TNN: variants seen among roughly 807,000 people sequenced by gnomAD.
TNN encodes the protein tenascin N, also known as tenascin-N.
Under a neutral mutation model 134.4 loss-of-function variants are expected in TNN, and 122 were observed. The observed-to-expected ratio is 0.91, with a 90% CI of 0.78 to 1.06. The LOEUF (loss-of-function observed/expected upper bound fraction) is 1.06. TNN is among the 50% of genes least tolerant of loss of function. The pLI is 0.00. For missense variants in TNN, 1,739 were observed against 1,699.4 expected (o/e 1.02, Z -0.41); for synonymous variants, 710 against 670.3 (o/e 1.06, Z -0.91).
At chr1:175,077,155 A>G (rs1268076400) in intron 1 of TNN, among the ~76,000 whole-genome samples, 1 of 152,170 alleles carries the variant, frequency 6.6e-6, no homozygotes, top group African/African-American at 2.4e-5. Context: ...TGAGAGGTGA[A>G]GAGAAGGGCA....
chr1:175,108,538 A>G (rs12407173), intron 9 of TNN, among the ~76,000 whole-genome samples: 35,282 of 152,186 alleles, frequency 0.23, 4,411 homozygotes, highest in African/African-American at 0.31. Context: ...CTCGGGCTGC[A>G]CAGGAACCCA....
In TNN at chr1:175,097,495, C is replaced by T; in HGVS notation, c.1667C>T (p.Ala556Val). The stretch of plus-strand genomic sequence containing the variant: ...ACCATCTCCTGGGACCCGGTACAGG[C>T]CACCATTGACAAGTACGTGGTGCGC... ...TATISWDPVQ[A>V]TIDKYVVRYT... The change falls in exon 8 of 19, where the codon GCC (alanine) becomes GTC (valine). Residue 556 changes from alanine to valine, a missense_variant. Transcript: ENST00000239462. 1 of 1,614,170 alleles carries T rather than the reference C, an allele frequency of 6.2e-7. No individual in the cohort carries two copies. The highest frequency in any genetic ancestry group is 1.1e-5 in the South Asian group (1 of 91,070).
chr1:175,074,729 C>T lies in TNN; in HGVS notation c.-35-2655C>T, dbSNP rs1423672475. ...GCAAAGGGGTAACACAAAGAAAAAC[C>T]CTTCATAGGTACCATTCTGCTTAAT... On this transcript the variant is annotated intron_variant, in intron 1 of 18. Transcript: ENST00000239462. Among the ~76,000 whole-genome samples the T allele has an allele frequency of 2.0e-5, 3 of 152,094 alleles. No individual in the cohort carries two copies. The East Asian group carries it at 5.8e-4, about 29-fold the overall frequency.
At position 175,100,777 on chromosome 1, in the gene TNN, A is replaced by G. The variant is rs571482192; in HGVS notation, c.2119+2182A>G. ...GAGGAACATAATTTCTTGTATTTAT[A>G]ATGTATCAACAAACTGGTGTTAATA... On this transcript the variant is annotated intron_variant, in intron 9 of 18. Transcript: ENST00000239462. Among the ~76,000 whole-genome samples, 4 of 152,256 alleles carry G rather than the reference A, an allele frequency of 2.6e-5. No homozygotes were observed. The Middle Eastern group carries it at 0.01, about 388-fold the overall frequency.
chr1:175,084,102 C>T (rs1371763949), intron 5 of TNN, among the ~76,000 whole-genome samples, 167 bp downstream of exon 5: 1 of 152,186 alleles, frequency 6.6e-6, no homozygotes, highest in Non-Finnish European at 1.5e-5. Context: ...ATAAGCCCAC[C>T]TGGGAGGCCT....
intron 11 of TNN, among the ~76,000 whole-genome samples, chr1:175,122,869 G>C: frequency 6.6e-6 from 1 of 152,204 alleles, no homozygotes. Flanking sequence ...GAGAGAAAGG[G>C]CAGATCTGCA....
At chr1:175,121,010 T>C (rs1028612295) in intron 11 of TNN, among the ~76,000 whole-genome samples, 1 of 152,174 alleles carries the variant, frequency 6.6e-6, no homozygotes, top group Non-Finnish European at 1.5e-5. Flanking sequence ...GTTGAACTCC[T>C]GGGCTCAAGT....
intron 9 of TNN, among the ~76,000 whole-genome samples, chr1:175,116,274 T>C (rs1675164260): frequency 6.6e-6 from 1 of 152,200 alleles, no homozygotes; most frequent in Non-Finnish European, 1.5e-5. Context: ...CTTAATTATA[T>C]TTTAAATTAT....
At position 175,127,058 on chromosome 1, in the gene TNN, T is replaced by G. The variant is rs751175671; in HGVS notation, c.3018T>G (p.Thr1006=). 1 of 1,614,100 alleles carries G rather than the reference T, an allele frequency of 6.2e-7. No individual in the cohort carries two copies. The highest frequency in any genetic ancestry group is 1.1e-5 in the South Asian group (1 of 91,058). Residue 1006 remains threonine, a synonymous_variant, in exon 13 of 19, where the codon ACT becomes ACG. Coordinates refer to ENST00000239462, the MANE Select transcript of TNN (RefSeq NM_022093.2). ...CTCAGATCCACGGCTACATTCTGAC[T>G]TACCAGTTCCCAGATGGCACAGTTA... ...PSAQIHGYIL[T]YQFPDGTVKE...
At chr1:175,113,403 A>G (rs1053402045) in intron 9 of TNN, among the ~76,000 whole-genome samples, 19 of 152,090 alleles carry the variant, frequency 1.2e-4, no homozygotes, top group African/African-American at 4.3e-4. Flanking sequence ...CTGGCCTGTA[A>G]GATTTCTGCT....
chr1:175,105,682 A>G (rs1674831167), intron 9 of TNN, among the ~76,000 whole-genome samples: 1 of 145,814 alleles, frequency 6.9e-6, no homozygotes, highest in African/African-American at 2.5e-5. Context: ...ATTGGGGCCA[A>G]GCCGTAGTGC....
In TNN at chr1:175,077,367, A is replaced by G. The variant is rs1674064091; in HGVS notation, c.-35-17A>G. ...GCACATCTCCGTGGCTTTCTTTTGC[A>G]ATGTTTCTGAATACAGGCATCCTGG... On this transcript the variant is annotated splice_polypyrimidine_tract_variant and intron_variant, in intron 1 of 18. Coordinates refer to ENST00000239462, the MANE Select transcript of TNN (RefSeq NM_022093.2). 1 of 1,536,872 alleles carries G rather than the reference A, an allele frequency of 6.5e-7. No homozygotes were observed. The highest frequency in any genetic ancestry group is 1.4e-5 in the African/African-American group (1 of 72,298).
rs1241673599 is a variant in TNN, at chr1:175,083,782, G to C, written c.1081G>C (p.Asp361His). ...LAVLGTAWVTDETENSLDVEW... is the reference protein window; with the variant it reads ...LAVLGTAWVTHETENSLDVEW... ...TGTGCTTGGCACTGCCTGGGTGACA[G>C]ATGAGACTGAGAACTCCCTTGACGT... is the stretch of plus-strand genomic sequence containing the variant. The change falls in exon 5 of 19, where the codon GAT becomes CAT. Residue 361 changes from aspartate (D) to histidine (H), a missense_variant. Transcript: ENST00000239462. The C allele has an allele frequency of 2.5e-5, 41 of 1,614,096 alleles. No individual in the cohort carries two copies. In the Admixed American group the frequency reaches 6.8e-4, roughly 27 times the overall value.
chr1:175,123,589 T>C lies in TNN; in HGVS notation c.2840T>C (p.Met947Thr). Reference sequence around the variant, plus strand: ...GTCCTGACGGGCCTGAGACCAGGCATGGAGTACATGGTGCACGTGTGGGCC... The same window carrying C: ...GTCCTGACGGGCCTGAGACCAGGCACGGAGTACATGGTGCACGTGTGGGCC... ...STVLTGLRPG[M>T]EYMVHVWAQK... is the part of the protein sequence containing the mutation. Residue 947 changes from methionine to threonine, a missense_variant, in exon 12 of 19, where the codon ATG (methionine) becomes ACG (threonine). Physicochemically the swap from Met to Thr is moderately conservative, Grantham distance 81 (BLOSUM62 -1). Coordinates refer to ENST00000239462, the MANE Select transcript of TNN (RefSeq NM_022093.2). 1 of 1,613,924 alleles carries C rather than the reference T, an allele frequency of 6.2e-7. No homozygotes were observed. Among genetic ancestry groups the C allele is most frequent in the Non-Finnish European group, 8.5e-7 (1 of 1,179,918 alleles).
intron 18 of TNN, 116 bp from the exon 19 acceptor site, chr1:175,146,815 A>G (rs2101858701): frequency 9.9e-7 from 1 of 1,011,086 alleles, no homozygotes; most frequent in East Asian, 2.8e-5. Flanking sequence ...TCCTGAGCAG[A>G]GAGGGAGTGG....
chr1:175,097,269 G>A (rs1018752231), intron 7 of TNN, 148 bp from the exon 8 acceptor site: 6 of 1,004,046 alleles, frequency 6.0e-6, no homozygotes, highest in Non-Finnish European at 8.8e-6. Context: ...CAGACCATTT[G>A]CTTAATTAGA....
In TNN at chr1:175,080,329, G is replaced by C; in HGVS notation, c.951G>C (p.Glu317Asp). 3 of 1,614,146 alleles carry C rather than the reference G, an allele frequency of 1.9e-6. No homozygotes were observed. Among genetic ancestry groups the C allele is most frequent in the Non-Finnish European group, 2.5e-6 (3 of 1,180,024 alleles). The change falls in exon 4 of 19, where the codon GAG becomes GAC. Residue 317 changes from glutamate (E) to aspartate (D), a missense_variant. By Grantham distance (45) the Glu-to-Asp change is conservative. Coordinates refer to ENST00000239462, the MANE Select transcript of TNN (RefSeq NM_022093.2). ...IQVPKEQHSYEILGLLPGTKY... is the reference protein window; with the variant it reads ...IQVPKEQHSYDILGLLPGTKY... Reference sequence around the variant, plus strand: ...TGCCCAAGGAGCAGCACAGCTATGAGATTCTTGGTTTGCTGCCTGGAACCA... The same window carrying C: ...TGCCCAAGGAGCAGCACAGCTATGACATTCTTGGTTTGCTGCCTGGAACCA...
Position 175,079,424 on chromosome 1 carries a change from G to A in TNN, c.501G>A (p.Glu167=). Residue 167 remains glutamate, a synonymous_variant, in exon 3 of 19, where the codon GAG becomes GAA. Coordinates refer to ENST00000239462, the MANE Select transcript of TNN (RefSeq NM_022093.2). ...CEEGREGPAC[E]RLACPGACSG... is the part of the protein sequence containing the mutation. The stretch of plus-strand genomic sequence containing the variant: ...AGGGCAGGGAGGGCCCCGCCTGCGA[G>A]CGGCTGGCCTGCCCCGGGGCGTGCA... The A allele has an allele frequency of 2.5e-6, 4 of 1,587,364 alleles. No individual in the cohort carries two copies. Among genetic ancestry groups the A allele is most frequent in the Non-Finnish European group, 3.4e-6 (4 of 1,170,408 alleles).
At position 175,128,122 on chromosome 1, in the gene TNN, G is replaced by C; in HGVS notation, c.3136G>C (p.Gly1046Arg). Reference sequence around the variant, plus strand: ...CCCTGTCTCCCTTGTTGCCTTTAAGGGTGGTCGCCGGAGCAGAAATGTATC... The same window carrying C: ...CCCTGTCTCCCTTGTTGCCTTTAAGCGTGGTCGCCGGAGCAGAAATGTATC... ...TYPVSLVAFK[G>R]GRRSRNVSTT... The change falls in exon 14 of 19, where the codon GGT (glycine) becomes CGT (arginine). Residue 1046 changes from glycine (G) to arginine (R), a missense_variant. Physicochemically the swap from Gly to Arg is moderately radical, Grantham distance 125. Transcript: ENST00000239462. 1 of 1,612,892 alleles carries C rather than the reference G, an allele frequency of 6.2e-7. No individual in the cohort carries two copies. The highest frequency in any genetic ancestry group is 8.5e-7 in the Non-Finnish European group (1 of 1,179,370).
Sources: allele counts gnomAD v4.1 joint callset (sites outside exome capture counted in the v4.1 genomes callset), GRCh38; gene constraint gnomAD v4.1.1; transcripts MANE v1.5; gene names NCBI Gene and HGNC (gene_info 2026-07-23, HGNC 2026-07-21).